Variants in CASP4 observed in about 807,000 individuals in gnomAD.
CASP4 encodes caspase-4.
A neutral mutation model predicts 41.3 loss-of-function variants in CASP4; 29 were observed. That is an observed-to-expected ratio of 0.70 (90% CI 0.52 to 0.96). The LOEUF (loss-of-function observed/expected upper bound fraction) is 0.96, where lower values mean the gene tolerates loss of function less well. Among genes scored for constraint, CASP4 ranks in the 40% least tolerant of loss-of-function variants. CASP4 has a pLI of 0.00. For missense variants in CASP4, 447 were observed against 460.6 expected, an observed-to-expected ratio of 0.97 and a Z score of 0.27; for synonymous variants, 185 against 158.4, an observed-to-expected ratio of 1.17 and a Z score of -1.26.
Position 104,942,919 on chromosome 11 carries a change from C to T in CASP4, c.*60G>A. ...CAAAATGTTAAATATGCAAGCTGTA[C>T]TAATGAAGGTGCTCCTTGAAGTTGA... On this transcript the variant is annotated 3_prime_UTR_variant, in exon 9 of 9. Transcript: ENST00000444739. 2.2e-6 allele frequency: 1 copy of T among 456,068 alleles called. No homozygotes were observed. The highest frequency in any genetic ancestry group is 1.5e-5 in the South Asian group (1 of 64,562). 28.3% of individuals were successfully genotyped at this position (456,068 alleles called of 1,614,324 possible).
chr11:104,949,755 G>T lies in CASP4; in HGVS notation c.569C>A (p.Ala190Glu), dbSNP rs1277766507. 1.4e-5 allele frequency: 22 copies of T among 1,613,826 alleles called. No homozygotes were observed. Among genetic ancestry groups the T allele is most frequent in the Non-Finnish European group, 1.8e-5 (21 of 1,179,862 alleles). ...CTTGTGCTCTGGTCTGGTAGCAAAT[G>T]CCCTCAGCGCTGACTCCATATCCTG... ...TARDMESALR[A>E]FATRPEHKSS... The change falls in exon 5 of 9, where the codon GCA (alanine) becomes GAA (glutamate). Residue 190 changes from alanine (A) to glutamate (E), a missense_variant. Transcript: ENST00000444739.
chr11:104,963,669 A>T (rs111309220), intron 1 of CASP4, among the ~76,000 whole-genome samples: 1 of 152,228 alleles, frequency 6.6e-6, no homozygotes, highest in African/African-American at 2.4e-5. Context: ...ATACGGAAAC[A>T]TCCCCATGCC....
chr11:104,958,621 G>A (rs1860788921), intron 1 of CASP4, among the ~76,000 whole-genome samples: 1 of 152,012 alleles, frequency 6.6e-6, no homozygotes, highest in Non-Finnish European at 1.5e-5. Flanking sequence ...GATAACAAAT[G>A]GTGGAGAGGA....
rs1232894012 is a variant in CASP4 at position 104,944,374 on chromosome 11, G to C, written c.*5+374C>G. On this transcript the variant is annotated intron_variant, in intron 8 of 8. Coordinates refer to ENST00000444739, the MANE Select transcript of CASP4 (RefSeq NM_001225.4). The stretch of plus-strand genomic sequence containing the variant: ...TCTCTCTCTCTCTCTCTCTCTGTGT[G>C]TGTGTGTGTGTGTGTGTGTGTAAGA... The C allele has an allele frequency of 5.0e-3, 767 of 154,068 alleles. 3 individuals carry two copies. The highest frequency in any genetic ancestry group is 0.012 in the African/African-American group (479 of 39,072). 9.5% of individuals were successfully genotyped at this position (154,068 alleles called of 1,614,324 possible).
rs199570192 is a variant in CASP4 at position 104,947,174 on chromosome 11, T to C, written c.944A>G (p.Asp315Gly). 6.2e-7 allele frequency: 1 copy of C among 1,609,768 alleles called. No homozygotes were observed. The highest frequency in any genetic ancestry group is 1.3e-5 in the African/African-American group (1 of 74,820). The change falls in exon 7 of 9, where the codon GAC becomes GGC. Residue 315 changes from aspartate to glycine, a missense_variant. By Grantham distance (94) the Asp-to-Gly change is moderately conservative. Coordinates refer to ENST00000444739, the MANE Select transcript of CASP4 (RefSeq NM_001225.4). ...SSTPHNVSWR[D>G]STMGSIFITQ... The stretch of plus-strand genomic sequence containing the variant: ...GATGAAGATAGAGCCCATTGTGCTG[T>C]CTCTCCAGGACACGTTGTCTATAAT...
chr11:104,963,715 G>C (rs1860912494), intron 1 of CASP4, among the ~76,000 whole-genome samples: 1 of 152,186 alleles, frequency 6.6e-6, no homozygotes, highest in South Asian at 2.1e-4. Context: ...GGGATGGGCT[G>C]ATTTCAAAAT....
intron 1 of CASP4, among the ~76,000 whole-genome samples, chr11:104,963,905 G>A (rs183634258): frequency 2.3e-4 from 35 of 152,212 alleles, no homozygotes; most frequent in East Asian, 1.2e-3. Context: ...GAAAAAAAAT[G>A]CATGCTTTCC....
chr11:104,967,481 T>TA (rs200987629), intron 1 of CASP4, among the ~76,000 whole-genome samples: 4 of 151,994 alleles, frequency 2.6e-5, no homozygotes, highest in South Asian at 2.1e-4. Flanking sequence ...GTTCAGATAG[T>TA]AAAAAAGAGA....
intron 3 of CASP4, chr11:104,951,399 A>G (rs1461574391): frequency 7.4e-6 from 2 of 270,610 alleles, no homozygotes; most frequent in African/African-American, 2.2e-5. Flanking sequence ...ACAAAACGAG[A>G]TGTTGTCGTT....
intron 1 of CASP4, among the ~76,000 whole-genome samples, chr11:104,961,173 G>A (rs1320805438): frequency 6.6e-6 from 1 of 152,210 alleles, no homozygotes; most frequent in Non-Finnish European, 1.5e-5. Flanking sequence ...GGCTGGCTCT[G>A]GTACTCTCTC....
At chr11:104,960,848 G>C (rs1860842536) in intron 1 of CASP4, among the ~76,000 whole-genome samples, 1 of 151,982 alleles carries the variant, frequency 6.6e-6, no homozygotes, top group South Asian at 2.1e-4. Context: ...TTTATGCTCT[G>C]TGAGGACAGG....
intron 2 of CASP4, among the ~76,000 whole-genome samples, chr11:104,954,007 A>G (rs1263874322): frequency 3.3e-5 from 5 of 152,150 alleles, no homozygotes; most frequent in African/African-American, 1.2e-4. Flanking sequence ...TTATTTACTC[A>G]TCCTACATTA....
At chr11:104,951,359 T>A (rs1698450526) in intron 3 of CASP4, 1 of 319,198 alleles carries the variant, frequency 3.1e-6, no homozygotes, top group Admixed American at 4.5e-5. Flanking sequence ...CCAATCTTTC[T>A]TAGCATTCAA....
At chr11:104,965,111 GACTAAATCCT>G (rs895500756) in intron 1 of CASP4, among the ~76,000 whole-genome samples, 6 of 152,082 alleles carry the variant, frequency 3.9e-5, no homozygotes, top group African/African-American at 1.4e-4. Context: ...CTACAGTTTG[GACTAAATCCT>G]AAATTCTTTG....
intron 1 of CASP4, among the ~76,000 whole-genome samples, chr11:104,964,337 AG>A (rs1860926802): frequency 6.6e-6 from 1 of 152,220 alleles, no homozygotes; most frequent in Admixed American, 6.5e-5. Flanking sequence ...CCAATCCTTC[AG>A]TTTTCACAGT....
At chr11:104,949,823 T>A (rs150946133) in intron 4 of CASP4, 46 bp from the exon 5 acceptor site, 1 of 1,560,730 alleles carries the variant, frequency 6.4e-7, no homozygotes, top group Admixed American at 1.7e-5. Context: ...GCATCACAAT[T>A]AAAGGGGACT....
chr11:104,960,930 T>TTACTGAA (rs1860844781), intron 1 of CASP4, among the ~76,000 whole-genome samples: 2 of 152,264 alleles, frequency 1.3e-5, no homozygotes, highest in Non-Finnish European at 2.9e-5. Flanking sequence ...TACTAATTAT[T>TTACTGAA]TACTGAATCA....
At chr11:104,964,437 TTCTC>T in intron 1 of CASP4, among the ~76,000 whole-genome samples, 1 of 152,350 alleles carries the variant, frequency 6.6e-6, no homozygotes, top group Middle Eastern at 3.4e-3. Flanking sequence ...GCATATTTGT[TTCTC>T]TCTACCTGAT....
At chr11:104,965,900 C>T (rs1178458074) in intron 1 of CASP4, among the ~76,000 whole-genome samples, 1 of 152,146 alleles carries the variant, frequency 6.6e-6, no homozygotes, top group African/African-American at 2.4e-5. Flanking sequence ...CCACCCAAAC[C>T]AGTAATCTAA....
Sources: gnomAD v4.1 joint callset for allele counts (sites outside exome capture counted in the v4.1 genomes callset) on GRCh38, gnomAD v4.1.1 for gene constraint, MANE v1.5 for transcripts, NCBI Gene and HGNC (gene_info 2026-07-23, HGNC 2026-07-21) for gene names.